Variants in METTL15 observed in about 807,000 individuals in gnomAD.
METTL15 encodes 12S rRNA N(4)-cytidine methyltransferase METTL15.
In METTL15, 34 loss-of-function variants were observed where a neutral mutation model predicts 38.3. The ratio of observed to expected loss-of-function variants is 0.89; its 90% CI spans 0.68 to 1.18. METTL15 has a LOEUF of 1.18. METTL15 is among the 50% of genes most tolerant of loss of function. The probability of loss-of-function intolerance (pLI) is 0.00; values close to 1 mark genes in which losing one functional copy is unlikely to be tolerated. For synonymous variants in METTL15, 162 were observed against 170.9 expected (o/e 0.95, Z 0.41); for missense variants, 438 against 498.4 (o/e 0.88, Z 1.15).
At chr11:28,408,001 T>A (rs887683256) in intron 5 of METTL15, among the ~76,000 whole-genome samples, 2 of 152,176 alleles carry the variant, frequency 1.3e-5, no homozygotes, top group African/African-American at 2.4e-5. Context: ...TTGTGGCCTT[T>A]GCAGGGACAT....
chr11:28,133,345 A>C (rs1327035813), intron 3 of METTL15, among the ~76,000 whole-genome samples: 4 of 152,206 alleles, frequency 2.6e-5, no homozygotes, highest in African/African-American at 9.6e-5. Context: ...AAAACCTTCA[A>C]GACAATTTCA....
chr11:28,331,548 C>A lies in METTL15; in HGVS notation c.*707C>A, dbSNP rs1476476528. ...TTTATTTTAATAATAGCTCACAATG[C>A]CTTTAGTAAGTAATAAAGTCTCTTA... On this transcript the variant is annotated 3_prime_UTR_variant, in exon 7 of 7. Coordinates refer to ENST00000407364, the MANE Select transcript of METTL15 (RefSeq NM_001113528.2). 6.6e-6 allele frequency: 1 copy of A among 151,688 alleles called. No homozygotes were observed. The highest frequency in any genetic ancestry group is 1.5e-5 in the Non-Finnish European group (1 of 67,890). 9.4% of individuals were successfully genotyped at this position (151,688 alleles called of 1,614,324 possible).
chr11:28,187,256 A>G (rs538091094), intron 3 of METTL15, among the ~76,000 whole-genome samples: 1 of 151,406 alleles, frequency 6.6e-6, no homozygotes, highest in South Asian at 2.1e-4. Flanking sequence ...GACCAAATAA[A>G]TAAATCACAG....
chr11:28,258,184 A>G lies in METTL15; in HGVS notation c.408-32022A>G, dbSNP rs559436450. On this transcript the variant is annotated intron_variant, in intron 4 of 6. Coordinates refer to ENST00000407364, the MANE Select transcript of METTL15 (RefSeq NM_001113528.2). The stretch of plus-strand genomic sequence containing the variant: ...AAGATTCAGAAGAATTCTCTGGATT[A>G]TTAGGCAGAGACTTTCACTCCCTTC... Among the ~76,000 whole-genome samples the G allele has an allele frequency of 5.3e-5, 8 of 152,302 alleles. 1 individual carries two copies. In the South Asian group the frequency reaches 1.7e-3, roughly 32 times the overall value.
At chr11:28,198,239 C>G (rs1314369002) in intron 3 of METTL15, among the ~76,000 whole-genome samples, 2 of 151,976 alleles carry the variant, frequency 1.3e-5, no homozygotes, top group Admixed American at 1.3e-4. Flanking sequence ...GTTAATTTAG[C>G]CGTTCTATCT....
chr11:28,156,449 A>T (rs1219149201), intron 3 of METTL15, among the ~76,000 whole-genome samples: 1 of 152,192 alleles, frequency 6.6e-6, no homozygotes, highest in Non-Finnish European at 1.5e-5. Context: ...ATTGTTCCTG[A>T]CGGTAGATAT....
At chr11:28,520,409 A>G (rs1319874498) in intron 6 of METTL15, among the ~76,000 whole-genome samples, 1 of 152,176 alleles carries the variant, frequency 6.6e-6, no homozygotes, top group African/African-American at 2.4e-5. Context: ...CTGGGTAATC[A>G]AGAAGACCTG....
rs148261751 is a variant in METTL15 at position 28,488,782 on chromosome 11, CT to C, written c.*425-37688del. 2.9e-3 allele frequency among the ~76,000 whole-genome samples: 444 copies of C among 152,042 alleles called. 6 individuals carry two copies. The highest frequency in any genetic ancestry group is 0.01 in the African/African-American group (428 of 41,504). Reference sequence around the variant, plus strand: ...TCTAAATAAGTCTGACCCCACGATACTTTTTTTTGTGAACCTTCCTAGACCT... The same window carrying C: ...TCTAAATAAGTCTGACCCCACGATACTTTTTTTGTGAACCTTCCTAGACCT... On this transcript the variant is annotated intron_variant and NMD_transcript_variant, in intron 6 of 7. Coordinates refer to the METTL15 transcript ENST00000532947.
intron 4 of METTL15, among the ~76,000 whole-genome samples, chr11:28,285,723 T>G (rs1856233720): frequency 1.3e-5 from 2 of 152,304 alleles, no homozygotes; most frequent in South Asian, 4.1e-4. Context: ...GTCTCCTTCC[T>G]TGGGACAATT....
intron 3 of METTL15, chr11:28,124,003 A>G (rs919248237): frequency 3.1e-5 from 20 of 645,104 alleles, no homozygotes; most frequent in Non-Finnish European, 4.7e-5. Flanking sequence ...AAGCACTTTT[A>G]TATATTATTG....
intron 5 of METTL15, among the ~76,000 whole-genome samples, chr11:28,424,129 G>T (rs959784203): frequency 6.6e-6 from 1 of 151,852 alleles, no homozygotes; most frequent in East Asian, 1.9e-4. Flanking sequence ...TGTCATTTTC[G>T]TATGATGTTA....
At chr11:28,409,447 G>A (rs12294467) in intron 5 of METTL15, among the ~76,000 whole-genome samples, 2,604 of 144,400 alleles carry the variant, frequency 0.018, 49 homozygotes, top group African/African-American at 0.051. Context: ...TGATTACAAT[G>A]TTATGAACTA....
intron 3 of METTL15, chr11:28,134,656 G>GTTAGGACTCCTCCTGA: frequency 5.0e-6 from 2 of 398,402 alleles, no homozygotes; most frequent in Non-Finnish European, 4.4e-6. Flanking sequence ...GTCAGTTTAA[G>GTTAGGACTCCTCCTGA]GGTCCTGGGA....
At chr11:28,462,269 C>A (rs187068528) in intron 6 of METTL15, among the ~76,000 whole-genome samples, 1 of 151,954 alleles carries the variant, frequency 6.6e-6, no homozygotes. Flanking sequence ...AGAGTATGGG[C>A]AAATACAAGA....
chr11:28,232,252 C>G (rs1378288905), intron 4 of METTL15, among the ~76,000 whole-genome samples: 1 of 151,766 alleles, frequency 6.6e-6, no homozygotes, highest in African/African-American at 2.4e-5. Flanking sequence ...CCAGTGGGCT[C>G]AAAATCCTTA....
At chr11:28,350,147 T>C (rs1281598445) in intron 3 of METTL15, among the ~76,000 whole-genome samples, 1 of 152,164 alleles carries the variant, frequency 6.6e-6, no homozygotes, top group Non-Finnish European at 1.5e-5. Context: ...CTAGGGCCTG[T>C]AGACAAATAA....
At chr11:28,257,408 G>A (rs777994350) in intron 4 of METTL15, among the ~76,000 whole-genome samples, 13 of 152,018 alleles carry the variant, frequency 8.6e-5, no homozygotes, top group Non-Finnish European at 1.6e-4. Flanking sequence ...TAACTTTCTC[G>A]TACTTGAAAA....
chr11:28,450,444 C>T (rs1187124136), intron 6 of METTL15, among the ~76,000 whole-genome samples: 1 of 152,182 alleles, frequency 6.6e-6, no homozygotes, highest in Non-Finnish European at 1.5e-5. Flanking sequence ...TAATACTAAT[C>T]TCACAGGACT....
intron 4 of METTL15, among the ~76,000 whole-genome samples, chr11:28,263,109 G>A (rs745648864): frequency 5.9e-5 from 9 of 151,800 alleles, no homozygotes; most frequent in Non-Finnish European, 1.0e-4. Context: ...TTTTTAAAAT[G>A]TGGTGCTCCG....
Sources: allele counts gnomAD v4.1 joint callset (sites outside exome capture counted in the v4.1 genomes callset), GRCh38; gene constraint gnomAD v4.1.1; transcripts MANE v1.5; gene names NCBI Gene and HGNC (gene_info 2026-07-23, HGNC 2026-07-21).